The following ADAMTS17 variants were observed in gnomAD, a reference collection of about 807,000 sequenced individuals.
ADAMTS17 encodes ADAM metallopeptidase with thrombospondin type 1 motif 17, also known as A disintegrin and metalloproteinase with thrombospondin motifs 17.
Under a neutral mutation model 141.5 loss-of-function variants are expected in ADAMTS17, and 113 were observed. The observed-to-expected ratio is 0.80, with a 90% CI of 0.69 to 0.93. The LOEUF (loss-of-function observed/expected upper bound fraction) is 0.93. Ranked by LOEUF, ADAMTS17 falls within the 40% of genes least tolerant of loss-of-function variation. The probability of loss-of-function intolerance (pLI) is 0.00; values close to 1 mark genes in which losing one functional copy is unlikely to be tolerated. For missense variants in ADAMTS17, 1,659 were observed against 1,517.9 expected, an observed-to-expected ratio of 1.09 and a Z score of -1.54; for synonymous variants, 768 against 630.6, an observed-to-expected ratio of 1.22 and a Z score of -3.27.
intron 3 of ADAMTS17, among the ~76,000 whole-genome samples, chr15:100,318,490 ACAGAGAGAAGGCACCATCTGTGAAG>A (rs1247583781): frequency 6.6e-6 from 1 of 152,142 alleles, no homozygotes; most frequent in Non-Finnish European, 1.5e-5. Flanking sequence ...AGGTGAGGAC[ACAGAGAGAAGGCACCATCTGTGAAG>A]CAGAGAGCAG....
chr15:100,145,308 G>GTT (rs1323132791), intron 10 of ADAMTS17, among the ~76,000 whole-genome samples: 1 of 152,160 alleles, frequency 6.6e-6, no homozygotes, highest in Non-Finnish European at 1.5e-5. Context: ...TATGAATGGG[G>GTT]TTAAGAGAAC....
At chr15:100,118,688 T>C (rs1167061743) in intron 12 of ADAMTS17, among the ~76,000 whole-genome samples, 1 of 152,018 alleles carries the variant, frequency 6.6e-6, no homozygotes, top group Non-Finnish European at 1.5e-5. Flanking sequence ...ACAGAATGAA[T>C]CAAATCCTGT....
intron 13 of ADAMTS17, among the ~76,000 whole-genome samples, chr15:100,114,830 A>G (rs1290006648): frequency 6.6e-6 from 1 of 152,212 alleles, no homozygotes; most frequent in African/African-American, 2.4e-5. Flanking sequence ...TGTGGTGATA[A>G]GGCAACGAAA....
intron 8 of ADAMTS17, among the ~76,000 whole-genome samples, chr15:100,159,583 T>C (rs933307857): frequency 7.2e-5 from 11 of 152,232 alleles, no homozygotes; most frequent in African/African-American, 2.7e-4. Flanking sequence ...CCGCCAAATG[T>C]ACAGAGGTTA....
intron 18 of ADAMTS17, among the ~76,000 whole-genome samples, chr15:100,044,230 C>A (rs887680522): frequency 3.3e-5 from 5 of 152,174 alleles, no homozygotes; most frequent in Admixed American, 2.0e-4. Context: ...TTTTTGATCA[C>A]TGTTTCTTAA....
chr15:100,103,055 G>A (rs906114277), intron 14 of ADAMTS17, among the ~76,000 whole-genome samples: 2 of 152,170 alleles, frequency 1.3e-5, no homozygotes, highest in Non-Finnish European at 2.9e-5. Flanking sequence ...TCTTTCACCT[G>A]GAAGCTCCTG....
intron 14 of ADAMTS17, among the ~76,000 whole-genome samples, chr15:100,099,857 C>A (rs1286684643): frequency 6.6e-6 from 1 of 152,200 alleles, no homozygotes; most frequent in Non-Finnish European, 1.5e-5. Flanking sequence ...GTGCTCAGAT[C>A]CGTGTGCTGA....
At chr15:100,080,355 C>T (rs1403341533) in intron 15 of ADAMTS17, among the ~76,000 whole-genome samples, 1 of 152,094 alleles carries the variant, frequency 6.6e-6, no homozygotes, top group Admixed American at 6.5e-5. Context: ...CCTGGACTAT[C>T]AAGATGAAAT....
chr15:100,075,855 C>T (rs1439551855), intron 15 of ADAMTS17, among the ~76,000 whole-genome samples: 2 of 152,122 alleles, frequency 1.3e-5, no homozygotes, highest in Non-Finnish European at 2.9e-5. Flanking sequence ...AGGTTTCTTA[C>T]TGCACTCTCA....
chr15:100,003,830 A>G (rs2060978583), intron 18 of ADAMTS17, among the ~76,000 whole-genome samples: 1 of 152,040 alleles, frequency 6.6e-6, no homozygotes, highest in African/African-American at 2.4e-5. Context: ...ATTTATAGAG[A>G]CAAAGTAGAA....
At position 99,972,421 on chromosome 15, in the gene ADAMTS17, C is replaced by G. The variant is rs1013649511; in HGVS notation, c.*1981G>C. On this transcript the variant is annotated 3_prime_UTR_variant, in exon 22 of 22. Transcript: ENST00000268070. ...ATATCTGGAGGCCCCGGGGCCCATG[C>G]AGGAGACCAAGCTAAGGCTTCCTTA... The G allele has an allele frequency of 2.0e-5, 3 of 152,238 alleles. No homozygotes were observed. Among genetic ancestry groups the G allele is most frequent in the Admixed American group, 1.3e-4 (2 of 15,284 alleles). The allele number at this position is 152,238 out of a possible 1,614,324, so 9.4% of individuals were successfully genotyped here.
chr15:100,317,345 C>T (rs2045596935), intron 3 of ADAMTS17, among the ~76,000 whole-genome samples: 1 of 152,180 alleles, frequency 6.6e-6, no homozygotes, highest in Admixed American at 6.5e-5. Context: ...ATGGGCTTCT[C>T]TGGAAAGCAC....
rs754838108 is a variant in ADAMTS17, at chr15:100,101,734, T to C, written c.2017-5258A>G. 1.5e-3 allele frequency among the ~76,000 whole-genome samples: 225 copies of C among 152,236 alleles called. 1 individual carries two copies. The highest frequency in any genetic ancestry group is 2.7e-3 in the Non-Finnish European group (181 of 68,044). On this transcript the variant is annotated intron_variant, in intron 14 of 21. Transcript: ENST00000268070. ...AGCTGGGGAGTCTAGTTTTCTCATA[T>C]TTGAATTGGGACTTCCTCGTACAAG... is the stretch of plus-strand genomic sequence containing the variant.
At position 99,976,084 on chromosome 15, in the gene ADAMTS17, C is replaced by T. The variant is rs774568654; in HGVS notation, c.3088G>A (p.Asp1030Asn). Residue 1030 changes from aspartate (D) to asparagine (N), a missense_variant, in exon 21 of 22, where the codon GAC becomes AAC. Transcript: ENST00000268070. Reference sequence around the variant, plus strand: ...GTGATGGTGTTGGCGTTGATCCTGTCGTTGCAGACCTCCTGGTAGCACTGT... The same window carrying T: ...GTGATGGTGTTGGCGTTGATCCTGTTGTTGCAGACCTCCTGGTAGCACTGT... ...YRQCYQEVCN[D>N]RINANTITSP... 1.6e-5 allele frequency: 25 copies of T among 1,551,714 alleles called. No individual in the cohort carries two copies. The East Asian group carries it at 2.9e-4, about 18-fold the overall frequency.
intron 18 of ADAMTS17, among the ~76,000 whole-genome samples, chr15:100,041,243 G>A (rs2031225367): frequency 6.6e-6 from 1 of 152,216 alleles, no homozygotes; most frequent in Non-Finnish European, 1.5e-5. Flanking sequence ...CCAGTAAGAT[G>A]TTGAATGTTC....
At chr15:100,138,999 G>T (rs1157207315) in intron 10 of ADAMTS17, among the ~76,000 whole-genome samples, 1 of 152,160 alleles carries the variant, frequency 6.6e-6, no homozygotes, top group African/African-American at 2.4e-5. Flanking sequence ...CGCATGGGGG[G>T]TATTTTGGGC....
At chr15:100,152,820 T>C (rs2039239984) in intron 9 of ADAMTS17, 58 bp from the exon 10 acceptor site, 5 of 1,531,932 alleles carry the variant, frequency 3.3e-6, no homozygotes, top group Middle Eastern at 1.7e-4. Flanking sequence ...TTTTTTGTTT[T>C]CTTTTTCTTT....
At chr15:100,199,622 A>G (rs575591188) in intron 7 of ADAMTS17, among the ~76,000 whole-genome samples, 199 bp from the exon 8 acceptor site, 1 of 152,330 alleles carries the variant, frequency 6.6e-6, no homozygotes, top group South Asian at 2.1e-4. Context: ...CACCGCAAGC[A>G]TCCATCAGGC....
At chr15:100,323,737 A>G (rs1037483018) in intron 3 of ADAMTS17, among the ~76,000 whole-genome samples, 2 of 152,222 alleles carry the variant, frequency 1.3e-5, no homozygotes, top group African/African-American at 4.8e-5. Flanking sequence ...AATGAACTAG[A>G]TTTGCATTTA....
Sources: gnomAD v4.1 joint callset for allele counts (sites outside exome capture counted in the v4.1 genomes callset) on GRCh38, gnomAD v4.1.1 for gene constraint, MANE v1.5 for transcripts, NCBI Gene and HGNC (gene_info 2026-07-23, HGNC 2026-07-21) for gene names.